MTNR1A: variants seen among roughly 807,000 people sequenced by gnomAD.
MTNR1A encodes the protein melatonin receptor 1A.
In MTNR1A, 7 loss-of-function variants were observed where a neutral mutation model predicts 5.5. The observed-to-expected ratio is 1.28, with a 90% CI of 0.73 to 2.40. MTNR1A has a LOEUF of 2.40. MTNR1A is among the 30% of genes most tolerant of loss of function. The probability of loss-of-function intolerance (pLI) is 0.00; values close to 1 mark genes in which losing one functional copy is unlikely to be tolerated. For synonymous variants in MTNR1A, 196 were observed against 202.7 expected, an observed-to-expected ratio of 0.97 and a Z score of 0.28; for missense variants, 441 against 464.4, an observed-to-expected ratio of 0.95 and a Z score of 0.46.
In MTNR1A at chr4:186,534,509, A is replaced by G; in HGVS notation, c.233T>C (p.Ile78Thr). 6.2e-7 allele frequency: 1 copy of G among 1,613,908 alleles called. No homozygotes were observed. Among genetic ancestry groups the G allele is most frequent in the Non-Finnish European group, 8.5e-7 (1 of 1,180,018 alleles). The change falls in exon 2 of 2, where the codon ATT (isoleucine) becomes ACT (threonine). Residue 78 changes from isoleucine (I) to threonine (T), a missense_variant. Transcript: ENST00000307161. ...CATCAGCACCAACGGGTACGGATAAATGGCCACCACCAGGTCTGCCACCGC... is the reference window on the plus strand; with the variant it reads ...CATCAGCACCAACGGGTACGGATAAGTGGCCACCACCAGGTCTGCCACCGC... ...SLAVADLVVA[I>T]YPYPLVLMSI...
chr4:186,550,695 A>G (rs1263106270), intron 1 of MTNR1A, among the ~76,000 whole-genome samples: 1 of 152,228 alleles, frequency 6.6e-6, no homozygotes, highest in Non-Finnish European at 1.5e-5. Flanking sequence ...AAGGCAAGCA[A>G]AAGTAAGCTC....
chr4:186,534,399 T>G lies in MTNR1A; in HGVS notation c.343A>C (p.Ile115Leu), dbSNP rs1328275698. ...ATGGCGATGCCGGTGATGTTGAATA[T>G]GGAGCCGATGACGCTCAGGCCCATC... is the stretch of plus-strand genomic sequence containing the variant. ...FLMGLSVIGS[I>L]FNITGIAINR... The change falls in exon 2 of 2, where the codon ATA becomes CTA. Residue 115 changes from isoleucine (I) to leucine (L), a missense_variant. By Grantham distance (5) the Ile-to-Leu change is conservative (BLOSUM62 2). Coordinates refer to ENST00000307161, the MANE Select transcript of MTNR1A (RefSeq NM_005958.4). The G allele has an allele frequency of 3.7e-6, 6 of 1,614,138 alleles. No individual in the cohort carries two copies. The highest frequency in any genetic ancestry group is 5.1e-6 in the Non-Finnish European group (6 of 1,180,028).
intron 1 of MTNR1A, among the ~76,000 whole-genome samples, chr4:186,552,881 G>A (rs910399120): frequency 4.6e-5 from 7 of 152,200 alleles, no homozygotes; most frequent in African/African-American, 1.7e-4. Flanking sequence ...AGAGTAGAGC[G>A]AATATTCTGT....
intron 1 of MTNR1A, among the ~76,000 whole-genome samples, chr4:186,553,572 C>T (rs60775956): frequency 0.069 from 10,553 of 152,230 alleles, 527 homozygotes; most frequent in East Asian, 0.23. Context: ...AGTGCAATGG[C>T]ACAATCTCTG....
rs1277525435 is a variant in MTNR1A, at chr4:186,546,635, C to T, written c.184+8547G>A. ...CCTGTTCATACAACAACACACCATC[C>T]GCCTCGCTCCCTGTTCATGCCACCC... On this transcript the variant is annotated intron_variant, in intron 1 of 1. Transcript: ENST00000307161. 1.0e-4 allele frequency among the ~76,000 whole-genome samples: 15 copies of T among 146,610 alleles called. No individual in the cohort carries two copies. The East Asian group carries it at 1.8e-3, about 18-fold the overall frequency.
At chr4:186,541,142 A>C (rs1737014992) in intron 1 of MTNR1A, among the ~76,000 whole-genome samples, 1 of 152,154 alleles carries the variant, frequency 6.6e-6, no homozygotes, top group African/African-American at 2.4e-5. Context: ...GAAAGAAAAA[A>C]ACCTTCTTGC....
chr4:186,542,561 C>T (rs1450239110), intron 1 of MTNR1A, among the ~76,000 whole-genome samples: 1 of 152,068 alleles, frequency 6.6e-6, no homozygotes, highest in Non-Finnish European at 1.5e-5. Context: ...GGCGGGTGAG[C>T]CTAGGGTACA....
intron 1 of MTNR1A, among the ~76,000 whole-genome samples, chr4:186,535,011 C>T (rs1736813476): frequency 6.6e-6 from 1 of 152,282 alleles, no homozygotes; most frequent in Non-Finnish European, 1.5e-5. Context: ...TCTTGCTGAT[C>T]CCATAGAGAG....
intron 1 of MTNR1A, among the ~76,000 whole-genome samples, chr4:186,548,612 T>C (rs1319956383): frequency 6.6e-6 from 1 of 151,632 alleles, no homozygotes; most frequent in Non-Finnish European, 1.5e-5. Context: ...ACAATATTAG[T>C]ATTGTCCCAA....
At chr4:186,534,756 AC>A (rs1736807853) in intron 1 of MTNR1A, among the ~76,000 whole-genome samples, 199 bp from the exon 2 acceptor site, 1 of 152,140 alleles carries the variant, frequency 6.6e-6, no homozygotes, top group South Asian at 2.1e-4. Context: ...CGCTGTTCAC[AC>A]ATTCCCACCT....
At chr4:186,544,170 G>A (rs568944367) in intron 1 of MTNR1A, among the ~76,000 whole-genome samples, 16 of 152,136 alleles carry the variant, frequency 1.1e-4, no homozygotes, top group Middle Eastern at 3.4e-3. Context: ...ACAGGTGCAC[G>A]CCACCATGCC....
At chr4:186,542,826 T>C (rs1737056325) in intron 1 of MTNR1A, among the ~76,000 whole-genome samples, 3 of 152,096 alleles carry the variant, frequency 2.0e-5, no homozygotes, top group Non-Finnish European at 2.9e-5. Context: ...AAACTGGAAA[T>C]TGAGGCTAGG....
chr4:186,550,519 ACT>A (rs1737248079), intron 1 of MTNR1A, among the ~76,000 whole-genome samples: 2 of 152,110 alleles, frequency 1.3e-5, no homozygotes, highest in South Asian at 2.1e-4. Flanking sequence ...AGCTCCAAAG[ACT>A]CTGTGGAGAT....
At chr4:186,543,466 T>G (rs1737073830) in intron 1 of MTNR1A, among the ~76,000 whole-genome samples, 1 of 152,256 alleles carries the variant, frequency 6.6e-6, no homozygotes, top group Non-Finnish European at 1.5e-5. Context: ...ATACCCACTG[T>G]GGCCACCTGG....
intron 1 of MTNR1A, among the ~76,000 whole-genome samples, chr4:186,549,498 C>T (rs78898926): frequency 0.013 from 1,983 of 152,250 alleles, 112 homozygotes; most frequent in East Asian, 0.13. Context: ...CTAGTTTTCA[C>T]ATCTCCCAGT....
At chr4:186,554,259 G>A (rs1463319355) in intron 1 of MTNR1A, among the ~76,000 whole-genome samples, 2 of 152,124 alleles carry the variant, frequency 1.3e-5, no homozygotes, top group African/African-American at 2.4e-5. Flanking sequence ...GGGCAGGGGT[G>A]AGCCTCCCCA....
At chr4:186,534,642 T>A in intron 1 of MTNR1A, 85 bp from the exon 2 acceptor site, 1 of 1,490,018 alleles carries the variant, frequency 6.7e-7, no homozygotes, top group Non-Finnish European at 9.2e-7. Context: ...GAGCTGCTTC[T>A]GCAGCTCCGA....
chr4:186,537,622 A>C (rs1184997947), intron 1 of MTNR1A, among the ~76,000 whole-genome samples: 1 of 152,250 alleles, frequency 6.6e-6, no homozygotes, highest in Non-Finnish European at 1.5e-5. Context: ...CTACTTTTTA[A>C]AGATGAGAAA....
At position 186,549,450 on chromosome 4, in the gene MTNR1A, C is replaced by T. The variant is rs1442725241; in HGVS notation, c.184+5732G>A. 3.3e-5 allele frequency among the ~76,000 whole-genome samples: 5 copies of T among 152,176 alleles called. No homozygotes were observed. In the East Asian group the frequency reaches 7.7e-4, roughly 23 times the overall value. ...GATCAGTTTCTTTGAAATTCTCTCA[C>T]TAATTCCGTCTCAATCTGCTGCTAT... On this transcript the variant is annotated intron_variant, in intron 1 of 1. Coordinates refer to ENST00000307161, the MANE Select transcript of MTNR1A (RefSeq NM_005958.4).
Sources: gnomAD v4.1 joint callset for allele counts (sites outside exome capture counted in the v4.1 genomes callset) on GRCh38, gnomAD v4.1.1 for gene constraint, MANE v1.5 for transcripts, NCBI Gene and HGNC (gene_info 2026-07-23, HGNC 2026-07-21) for gene names.